The following GNL3L variants were observed in gnomAD, a reference collection of about 807,000 sequenced individuals.
GNL3L encodes guanine nucleotide-binding protein-like 3-like protein.
A neutral mutation model predicts 42.9 loss-of-function variants in GNL3L; 4 were observed. The ratio of observed to expected loss-of-function variants is 0.09; its 90% CI spans 0.05 to 0.21. GNL3L has a LOEUF of 0.21. Among genes scored for constraint, GNL3L ranks in the 10% least tolerant of loss-of-function variants. The probability of loss-of-function intolerance (pLI) is 1.00; values close to 1 mark genes in which losing one functional copy is unlikely to be tolerated. For missense variants in GNL3L, 412 were observed against 481.7 expected (o/e 0.86, Z 1.36); for synonymous variants, 159 against 176.3 (o/e 0.90, Z 0.78).
intron 16 of GNL3L, among the ~76,000 whole-genome samples, chrX:54,579,539 G>A (rs942574418): frequency 9.9e-5 from 11 of 110,723 alleles, no homozygotes; most frequent in Middle Eastern, 4.2e-3. Flanking sequence ...ATGCACAACC[G>A]TACCTGGCTA....
chrX:54,541,029 C>T (rs1403216559), intron 4 of GNL3L, among the ~76,000 whole-genome samples: 1 of 111,669 alleles, frequency 9.0e-6, no homozygotes, highest in Non-Finnish European at 1.9e-5. Flanking sequence ...TAAGTGGTTC[C>T]GCCTGCCTAG....
In GNL3L at chrX:54,551,969, G is replaced by C; in HGVS notation, c.1176G>C (p.Trp392Cys). The change falls in exon 12 of 16, where the codon TGG (tryptophan) becomes TGC (cysteine). Residue 392 changes from tryptophan to cysteine, a missense_variant. By Grantham distance (215) the Trp-to-Cys change is radical (BLOSUM62 -2). Coordinates refer to ENST00000360845, the MANE Select transcript of GNL3L (RefSeq NM_001184819.2). ...CGGCCAAAGCTGTCCTAGCTGACTGGGTGAGGTGAGGAGGGGGTTAGGGGT... is the reference window on the plus strand; with the variant it reads ...CGGCCAAAGCTGTCCTAGCTGACTGCGTGAGGTGAGGAGGGGGTTAGGGGT... The part of the protein sequence containing the change: ...EQAAKAVLAD[W>C]VSGKISFYIP... 1 of 1,210,582 alleles carries C rather than the reference G, an allele frequency of 8.3e-7. No individual in the cohort carries two copies.
chrX:54,545,722 GAA>G (rs777369646), intron 8 of GNL3L, among the ~76,000 whole-genome samples: 14 of 111,672 alleles, frequency 1.3e-4, no homozygotes, highest in Non-Finnish European at 2.3e-4. Flanking sequence ...AAATAAAGTA[GAA>G]AAAATAAAAT....
chrX:54,570,223 T>C (rs1925523882), downstream of GNL3L, among the ~76,000 whole-genome samples: 1 of 111,994 alleles, frequency 8.9e-6, no homozygotes. Context: ...ATTTAATTGA[T>C]TTTGAACCTT....
intron 14 of GNL3L, among the ~76,000 whole-genome samples, chrX:54,556,130 A>G (rs960141079): frequency 9.0e-6 from 1 of 111,115 alleles, no homozygotes; most frequent in Non-Finnish European, 1.9e-5. Context: ...TGCTTGAGTC[A>G]TGTATTAGTC....
chrX:54,548,226 C>T lies in GNL3L; in HGVS notation c.631-3C>T. On this transcript the variant is annotated splice_region_variant and splice_polypyrimidine_tract_variant and intron_variant, in intron 8 of 15. Coordinates refer to ENST00000360845, the MANE Select transcript of GNL3L (RefSeq NM_001184819.2). The stretch of plus-strand genomic sequence containing the variant: ...TTCTGTGATATTCAATTTTTTTTTC[C>T]AGAATCGTTGCAGTGTGCCAGTAGA... The T allele has an allele frequency of 8.3e-7, 1 of 1,202,965 alleles. No individual in the cohort carries two copies. Among genetic ancestry groups the T allele is most frequent in the South Asian group, 1.8e-5 (1 of 56,269 alleles).
chrX:54,555,426 T>G (rs1251740501), intron 14 of GNL3L, among the ~76,000 whole-genome samples: 2 of 110,028 alleles, frequency 1.8e-5, no homozygotes, highest in Non-Finnish European at 3.8e-5. Context: ...AAACTAAGCT[T>G]CCAGCCCTCA....
At chrX:54,550,813 G>A in intron 9 of GNL3L, 150 bp from the exon 10 acceptor site, 2 of 443,705 alleles carry the variant, frequency 4.5e-6, no homozygotes, top group Admixed American at 3.6e-5. Flanking sequence ...GCTTTGTCAG[G>A]GCCTGGGGTG....
At chrX:54,592,015 T>C (rs1925877898) in intron 16 of GNL3L, among the ~76,000 whole-genome samples, 1 of 112,044 alleles carries the variant, frequency 8.9e-6, no homozygotes, top group South Asian at 3.7e-4. Context: ...TAGTTTCCAT[T>C]ATAGATATCT....
chrX:54,580,537 A>G (rs908202355), intron 16 of GNL3L, among the ~76,000 whole-genome samples: 1 of 110,646 alleles, frequency 9.0e-6, no homozygotes, highest in Non-Finnish European at 1.9e-5. Context: ...GCTGGGTCAA[A>G]TGGTATTTCT....
Position 54,566,715 on chromosome X carries a change from A to G in GNL3L, c.*6113A>G, listed in dbSNP as rs748886421. Reference sequence around the variant, plus strand: ...TTTATCCATTCATCCACTGATGGACATGTGCATTGTTCCCACCTTTTGGCT... The same window carrying G: ...TTTATCCATTCATCCACTGATGGACGTGTGCATTGTTCCCACCTTTTGGCT... On this transcript the variant is annotated 3_prime_UTR_variant, in exon 16 of 16. Coordinates refer to ENST00000360845, the MANE Select transcript of GNL3L (RefSeq NM_001184819.2). Among the ~76,000 whole-genome samples the G allele has an allele frequency of 8.9e-6, 1 of 112,345 alleles. No individual in the cohort carries two copies. Among genetic ancestry groups the G allele is most frequent in the African/African-American group, 3.2e-5 (1 of 30,984 alleles).
chrX:54,636,746 T>A, the GNL3L span, among the ~76,000 whole-genome samples: 1 of 112,330 alleles, frequency 8.9e-6, no homozygotes, highest in Non-Finnish European at 1.9e-5. Flanking sequence ...TATATATGTA[T>A]CACATTTTCT....
downstream of GNL3L, among the ~76,000 whole-genome samples, chrX:54,622,434 G>A (rs1328255125): frequency 3.7e-5 from 4 of 106,975 alleles, no homozygotes; most frequent in African/African-American, 1.4e-4. Context: ...ACAGGCACGT[G>A]CCACCATGCC....
chrX:54,557,970 G>C (rs768418233), intron 14 of GNL3L, among the ~76,000 whole-genome samples: 1 of 109,400 alleles, frequency 9.1e-6, no homozygotes, highest in Non-Finnish European at 1.9e-5. Context: ...TGCAACTGCC[G>C]CCTCCCAGGT....
intron 2 of GNL3L, among the ~76,000 whole-genome samples, chrX:54,533,637 G>T (rs1400735698): frequency 9.0e-6 from 1 of 110,710 alleles, no homozygotes; most frequent in East Asian, 2.8e-4. Flanking sequence ...CTCTTGCTTT[G>T]TTACCAGTAG....
intron 9 of GNL3L, 26 bp downstream of exon 9, chrX:54,548,399 G>A (rs769651264): frequency 2.9e-5 from 33 of 1,157,540 alleles, no homozygotes; most frequent in Non-Finnish European, 3.6e-5. Context: ...TGGTCATGGG[G>A]CTCAGGCTTC....
At chrX:54,626,853 T>C in the GNL3L span, among the ~76,000 whole-genome samples, 1 of 111,654 alleles carries the variant, frequency 9.0e-6, no homozygotes, top group Non-Finnish European at 1.9e-5. Flanking sequence ...CACTTTTCAA[T>C]TGGATTATTT....
chrX:54,549,977 G>C (rs905353297), intron 9 of GNL3L, among the ~76,000 whole-genome samples: 1 of 110,366 alleles, frequency 9.1e-6, no homozygotes, highest in Non-Finnish European at 1.9e-5. Context: ...ATGGACAGAG[G>C]CTGACAGGAG....
At chrX:54,536,924 A>G (rs1924451976) in intron 2 of GNL3L, among the ~76,000 whole-genome samples, 1 of 111,273 alleles carries the variant, frequency 9.0e-6, no homozygotes, top group South Asian at 3.7e-4. Context: ...TCTTACTTTC[A>G]CAAAGTAAGA....
Sources: gnomAD v4.1 joint callset for allele counts (sites outside exome capture counted in the v4.1 genomes callset) on GRCh38, gnomAD v4.1.1 for gene constraint, MANE v1.5 for transcripts, NCBI Gene and HGNC (gene_info 2026-07-23, HGNC 2026-07-21) for gene names.